The following PDE4D variants were observed in gnomAD, a reference collection of about 807,000 sequenced individuals.
PDE4D encodes the protein 3',5'-cyclic-AMP phosphodiesterase 4D.
Under a neutral mutation model 87.4 loss-of-function variants are expected in PDE4D, and 24 were observed. The ratio of observed to expected loss-of-function variants is 0.27; its 90% CI spans 0.20 to 0.39. The LOEUF is 0.39. PDE4D is among the 10% of genes least tolerant of loss of function. The pLI is 1.00. For synonymous variants in PDE4D, 384 were observed against 383.2 expected (o/e 1.00, Z -0.02); for missense variants, 714 against 1,041.0 (o/e 0.69, Z 4.32).
intron 1 of PDE4D, among the ~76,000 whole-genome samples, chr5:59,450,329 A>C (rs1349863865): frequency 1.3e-5 from 2 of 152,208 alleles, no homozygotes; most frequent in African/African-American, 2.4e-5. Context: ...TTTTCTCTAA[A>C]ATAAGTTTCA....
chr5:60,085,378 T>C (rs1211313461), intron 2 of PDE4D, among the ~76,000 whole-genome samples: 2 of 152,202 alleles, frequency 1.3e-5, no homozygotes, highest in Non-Finnish European at 2.9e-5. Flanking sequence ...CACATGATTC[T>C]TGCGAAGCCC....
chr5:59,467,641 G>A (rs946632165), intron 1 of PDE4D, among the ~76,000 whole-genome samples: 4 of 152,208 alleles, frequency 2.6e-5, no homozygotes, highest in African/African-American at 7.2e-5. Context: ...TTTAAATCTC[G>A]AAATCCACGG....
intron 1 of PDE4D, among the ~76,000 whole-genome samples, chr5:59,748,507 T>C (rs569107873): frequency 4.6e-4 from 70 of 152,204 alleles, no homozygotes; most frequent in Middle Eastern, 3.4e-3. Flanking sequence ...TGTAGGGACA[T>C]GGATGAAGCT....
At chr5:59,395,087 CGG>C (rs1469508643) in intron 1 of PDE4D, among the ~76,000 whole-genome samples, 4 of 152,146 alleles carry the variant, frequency 2.6e-5, no homozygotes, top group Non-Finnish European at 5.9e-5. Context: ...TCCTACCCCA[CGG>C]AGTCTCGCTG....
At chr5:59,455,675 AG>A (rs1799804102) in intron 1 of PDE4D, among the ~76,000 whole-genome samples, 1 of 152,176 alleles carries the variant, frequency 6.6e-6, no homozygotes, top group East Asian at 1.9e-4. Context: ...GTCCACTGAC[AG>A]TTTGCGCCAT....
intron 1 of PDE4D, among the ~76,000 whole-genome samples, chr5:59,404,360 C>A (rs1791225943): frequency 6.6e-6 from 1 of 151,998 alleles, no homozygotes; most frequent in African/African-American, 2.4e-5. Flanking sequence ...GGGTATTACT[C>A]AAAAAATCTT....
chr5:59,081,524 A>AAAAAAAAAAG (rs1354557850), intron 5 of PDE4D, among the ~76,000 whole-genome samples: 1 of 151,244 alleles, frequency 6.6e-6, no homozygotes, highest in African/African-American at 2.4e-5. Flanking sequence ...CAGGTAAAAA[A>AAAAAAAAAAG]AAAAAAGAAA....
rs556751579 is a variant in PDE4D at position 59,195,218 on chromosome 5, A to G, written c.648-1682T>C. On this transcript the variant is annotated intron_variant, in intron 2 of 14. Transcript: ENST00000340635. The stretch of plus-strand genomic sequence containing the variant: ...TTATAGCAACAGAAACTGGACTAAG[A>G]TAGTGTTCTTCTGTCATCAATAAAT... Among the ~76,000 whole-genome samples the G allele has an allele frequency of 5.9e-5, 9 of 152,252 alleles. No individual in the cohort carries two copies. In the South Asian group the frequency reaches 1.0e-3, roughly 18 times the overall value.
intron 1 of PDE4D, among the ~76,000 whole-genome samples, chr5:59,746,654 A>G (rs1375608961): frequency 1.3e-5 from 2 of 151,408 alleles, no homozygotes; most frequent in Non-Finnish European, 2.9e-5. Flanking sequence ...CGCCAGCGTG[A>G]CTCCTAGCGT....
At chr5:60,212,669 T>C (rs1233039208) in intron 1 of PDE4D, among the ~76,000 whole-genome samples, 1 of 152,200 alleles carries the variant, frequency 6.6e-6, no homozygotes. Context: ...TTTAACCCGA[T>C]TGCACCACTT....
chr5:59,067,987 A>G lies in PDE4D; in HGVS notation c.809-29016T>C, dbSNP rs1198428614. 2.0e-5 allele frequency among the ~76,000 whole-genome samples: 3 copies of G among 152,216 alleles called. No homozygotes were observed. The East Asian group carries it at 5.8e-4, about 29-fold the overall frequency. On this transcript the variant is annotated intron_variant, in intron 5 of 14. Coordinates refer to ENST00000340635, the MANE Select transcript of PDE4D (RefSeq NM_001104631.2). ...GTCAGTTTTTCATGACTCAAAATTTATGAAAAACCATCTAAGACTATCGTA... is the reference window on the plus strand; with the variant it reads ...GTCAGTTTTTCATGACTCAAAATTTGTGAAAAACCATCTAAGACTATCGTA...
At chr5:59,636,269 A>G (rs557691460) in intron 1 of PDE4D, among the ~76,000 whole-genome samples, 4 of 152,178 alleles carry the variant, frequency 2.6e-5, no homozygotes, top group Non-Finnish European at 5.9e-5. Context: ...ATGCTCATGG[A>G]TAGGAAGAAT....
intron 1 of PDE4D, among the ~76,000 whole-genome samples, chr5:59,266,424 C>A (rs770373861): frequency 5.3e-5 from 8 of 151,804 alleles, no homozygotes; most frequent in Non-Finnish European, 1.0e-4. Context: ...TGGGGAAAAT[C>A]AGATTATAGG....
In PDE4D at chr5:60,443,197, G is replaced by A. The variant is rs535837961; in HGVS notation, c.-90+44745C>T. On this transcript the variant is annotated intron_variant, in intron 1 of 16. Transcript: ENST00000502484. Reference sequence around the variant, plus strand: ...GAAATTGACTTTTTAATAATTTGGAGACTGAGAGAAGAAACCAGGTAATAA... The same window carrying A: ...GAAATTGACTTTTTAATAATTTGGAAACTGAGAGAAGAAACCAGGTAATAA... 1.7e-3 allele frequency among the ~76,000 whole-genome samples: 258 copies of A among 152,242 alleles called. 1 individual carries two copies. The highest frequency in any genetic ancestry group is 3.1e-3 in the Non-Finnish European group (210 of 67,996).
chr5:59,544,096 C>A lies in PDE4D; in HGVS notation c.456-328128G>T, dbSNP rs73761533. ...ATGCCAGCTTCACAACTGGGGCATGCAGACCATAAATCCTGTAGTGGCAGG... is the reference window on the plus strand; with the variant it reads ...ATGCCAGCTTCACAACTGGGGCATGAAGACCATAAATCCTGTAGTGGCAGG... On this transcript the variant is annotated intron_variant, in intron 1 of 14. Transcript: ENST00000340635. Among the ~76,000 whole-genome samples the A allele has an allele frequency of 2.6e-5, 4 of 152,120 alleles. 1 individual carries two copies. In the South Asian group the frequency reaches 8.3e-4, roughly 32 times the overall value.
At chr5:59,102,598 A>ATAGCGG (rs1392403700) in intron 5 of PDE4D, among the ~76,000 whole-genome samples, 1 of 152,234 alleles carries the variant, frequency 6.6e-6, no homozygotes, top group East Asian at 1.9e-4. Context: ...GACACAGACA[A>ATAGCGG]TAGCGGTAAC....
At chr5:60,226,299 C>T (rs1340354999) in intron 1 of PDE4D, among the ~76,000 whole-genome samples, 1 of 152,020 alleles carries the variant, frequency 6.6e-6, no homozygotes, top group Non-Finnish European at 1.5e-5. Context: ...AGGTTAACTT[C>T]CTAATTCCCA....
At chr5:60,167,301 G>A (rs1380389902) in intron 2 of PDE4D, among the ~76,000 whole-genome samples, 1 of 118,138 alleles carries the variant, frequency 8.5e-6, no homozygotes, top group Non-Finnish European at 1.6e-5. Context: ...ACGGAGTCTC[G>A]CTGTCGCCCA....
intron 1 of PDE4D, among the ~76,000 whole-genome samples, chr5:59,248,130 G>T (rs1759247133): frequency 7.3e-6 from 1 of 137,472 alleles, no homozygotes; most frequent in Non-Finnish European, 1.5e-5. Flanking sequence ...GCACTATTAT[G>T]TCAAAATATT....
Sources: allele counts gnomAD v4.1 joint callset (sites outside exome capture counted in the v4.1 genomes callset), GRCh38; gene constraint gnomAD v4.1.1; transcripts MANE v1.5; gene names NCBI Gene and HGNC (gene_info 2026-07-23, HGNC 2026-07-21).